The following CTRC variants were observed in gnomAD, a reference collection of about 807,000 sequenced individuals.
The protein encoded by CTRC is chymotrypsin C.
CTRC carries 32 observed loss-of-function variants against 35.7 expected under a neutral mutation model. The ratio of observed to expected loss-of-function variants is 0.90; its 90% CI spans 0.68 to 1.20. The LOEUF (loss-of-function observed/expected upper bound fraction) is 1.20. CTRC is among the 50% of genes most tolerant of loss of function. The pLI, the probability that CTRC is intolerant of heterozygous loss-of-function variation, is 0.00. For synonymous variants in CTRC, 119 were observed against 149.5 expected (o/e 0.80, Z 1.49); for missense variants, 324 against 361.5 (o/e 0.90, Z 0.84).
intron 3 of CTRC, among the ~76,000 whole-genome samples, 175 bp downstream of exon 3, chr1:15,440,765 G>T (rs1214693987): frequency 1.3e-5 from 2 of 152,198 alleles, no homozygotes; most frequent in East Asian, 3.8e-4. Context: ...TCTATTATGT[G>T]CCAGGAACCA....
Position 15,444,646 on chromosome 1 carries a change from G to T in CTRC, c.534G>T (p.Gln178His). Residue 178 changes from glutamine to histidine, a missense_variant, in exon 6 of 8, where the codon CAG (glutamine) becomes CAT (histidine). By Grantham distance (24) the Gln-to-His change is conservative. Coordinates refer to ENST00000375949, the MANE Select transcript of CTRC (RefSeq NM_007272.3). ...CTGATAAGCTGCAGCAGGGCCTGCAGCCCGTGGTGGATCACGCCACGTGCT... is the reference window on the plus strand; with the variant it reads ...CTGATAAGCTGCAGCAGGGCCTGCATCCCGTGGTGGATCACGCCACGTGCT... ...PIADKLQQGL[Q>H]PVVDHATCSR... is the part of the protein sequence containing the mutation. 6.2e-7 allele frequency: 1 copy of T among 1,614,236 alleles called. No homozygotes were observed. Among genetic ancestry groups the T allele is most frequent in the Non-Finnish European group, 8.5e-7 (1 of 1,180,038 alleles).
Position 15,446,685 on chromosome 1 carries a change from G to T in CTRC, c.*96G>T. 2 of 1,407,454 alleles carry T rather than the reference G, an allele frequency of 1.4e-6. No individual in the cohort carries two copies. The highest frequency in any genetic ancestry group is 1.4e-5 in the African/African-American group (1 of 70,824). The allele number at this position is 1,407,454 out of a possible 1,614,324, so 87.2% of individuals were successfully genotyped here. A position where few individuals can be genotyped will look rare whatever the true frequency, so the allele number is the denominator to read the frequency against. On this transcript the variant is annotated 3_prime_UTR_variant, in exon 8 of 8. Transcript: ENST00000375949. ...ATCCTTGATTTGTGCAGCTTCTGTT[G>T]CTTCCCTCCTCTCTGGTGCTGCCCC...
chr1:15,440,433 G>A (rs1708113962), intron 2 of CTRC, 42 bp downstream of exon 2: 5 of 1,611,930 alleles, frequency 3.1e-6, no homozygotes, highest in Admixed American at 1.7e-5. Flanking sequence ...AGAGAGGGTG[G>A]CGGGGTGAGG....
chr1:15,438,447 A>C lies in CTRC; in HGVS notation c.-18A>C. 1 of 1,614,184 alleles carries C rather than the reference A, an allele frequency of 6.2e-7. No homozygotes were observed. Among genetic ancestry groups the C allele is most frequent in the East Asian group, 2.2e-5 (1 of 44,886 alleles). On this transcript the variant is annotated 5_prime_UTR_variant, in exon 1 of 8. Transcript: ENST00000375949. The stretch of plus-strand genomic sequence containing the variant: ...CCCCAGCCCATCCCGATGGTCAGCC[A>C]GTCCTGAGCACCTAACCATGTTGGG...
rs2272909 is a variant in CTRC, at chr1:15,438,679, C to A, written c.40+175C>A. On this transcript the variant is annotated intron_variant, in intron 1 of 7. Coordinates refer to ENST00000375949, the MANE Select transcript of CTRC (RefSeq NM_007272.3). ...TGTCAGACAAGCCACAGCCTGCCTG[C>A]CAACTCTGTTTCCACATCTGCAAAA... Among the ~76,000 whole-genome samples the A allele has an allele frequency of 0.016, 2,466 of 152,286 alleles. 87 individuals carry two copies. The highest frequency in any genetic ancestry group is 0.08 in the East Asian group (416 of 5,172).
At chr1:15,439,191 C>T (rs914582461) in intron 1 of CTRC, among the ~76,000 whole-genome samples, 5 of 151,822 alleles carry the variant, frequency 3.3e-5, no homozygotes, top group African/African-American at 1.2e-4. Context: ...TTTGGGAGGC[C>T]GAGGTGGGTG....
intron 3 of CTRC, 82 bp downstream of exon 3, chr1:15,440,672 C>G: frequency 8.0e-7 from 1 of 1,251,850 alleles, no homozygotes; most frequent in Non-Finnish European, 1.1e-6. Flanking sequence ...GCAGCTTCTC[C>G]GCACTCCAGG....
rs1708244725 is a variant in CTRC, at chr1:15,447,945, AG to A, written c.*1357del. ...CTGTGCAGGAGACAGACCAGTAAAT[AG>A]ATCATTAAATTCCCTGGTATACATT... On this transcript the variant is annotated 3_prime_UTR_variant, in exon 8 of 8. Coordinates refer to ENST00000375949, the MANE Select transcript of CTRC (RefSeq NM_007272.3). 1 of 152,220 alleles carries A rather than the reference AG, an allele frequency of 6.6e-6. No individual in the cohort carries two copies. The highest frequency in any genetic ancestry group is 6.5e-5 in the Admixed American group (1 of 15,282). The allele number at this position is 152,220 out of a possible 1,614,324, so 9.4% of individuals were successfully genotyped here. A position where few individuals can be genotyped will look rare whatever the true frequency, so the allele number is the denominator to read the frequency against.
chr1:15,444,549 AGGG>A (rs1179503719), intron 5 of CTRC, 54 bp from the exon 6 acceptor site: 2 of 1,609,914 alleles, frequency 1.2e-6, no homozygotes, highest in African/African-American at 2.7e-5. Context: ...AGGCCTGGGG[AGGG>A]GCTGGACTGG....
intron 1 of CTRC, 29 bp from the exon 2 acceptor site, chr1:15,440,271 C>T (rs1273299464): frequency 3.0e-5 from 34 of 1,122,048 alleles, no homozygotes; most frequent in Non-Finnish European, 4.2e-5. Context: ...GCCCTATTCA[C>T]TGGTTCTTCT....
intron 3 of CTRC, among the ~76,000 whole-genome samples, chr1:15,442,035 C>T (rs1464816084): frequency 6.6e-6 from 1 of 152,142 alleles, no homozygotes; most frequent in Non-Finnish European, 1.5e-5. Context: ...AGCCAACGCA[C>T]CTGGCCGGAG....
rs35524971 is a variant in CTRC, at chr1:15,439,423, CAAAAAAA to C, written c.41-867_41-861del. ...GGGCAACAAGAGTGAAACTCCGTCT[CAAAAAAA>C]AAAAAAAAAGAAAAAGAAAGAAAAA... is the stretch of plus-strand genomic sequence containing the variant. On this transcript the variant is annotated intron_variant, in intron 1 of 7. Transcript: ENST00000375949. Among the ~76,000 whole-genome samples, 17 of 110,930 alleles carry C rather than the reference CAAAAAAA, an allele frequency of 1.5e-4. 1 individual carries two copies. The South Asian group carries it at 4.7e-3, about 31-fold the overall frequency. The allele number at this position is 110,930 out of a possible 152,430, so 72.8% of individuals were successfully genotyped here. A position where few individuals can be genotyped will look rare whatever the true frequency, so the allele number is the denominator to read the frequency against.
chr1:15,443,299 T>C (rs913803919), intron 4 of CTRC, 120 bp from the exon 5 acceptor site: 1 of 1,148,220 alleles, frequency 8.7e-7, no homozygotes, highest in Non-Finnish European at 1.3e-6. Context: ...AGTCAGGATG[T>C]TTGTGAAGGA....
chr1:15,445,870 G>T (rs1403556638), intron 7 of CTRC, 121 bp downstream of exon 7: 4 of 1,206,274 alleles, frequency 3.3e-6, no homozygotes, highest in Non-Finnish European at 1.2e-6. Context: ...ACTCATTCAT[G>T]CATTTATTCA....
At position 15,445,702 on chromosome 1, in the gene CTRC, C is replaced by T; in HGVS notation, c.745C>T (p.Pro249Ser). ...SRRGCNTRKKPVVYTRVSAYI... is the reference protein window; with the variant it reads ...SRRGCNTRKKSVVYTRVSAYI... The stretch of plus-strand genomic sequence containing the variant: ...GCGGGGCTGCAACACCCGCAAGAAG[C>T]CGGTAGTCTACACCCGGGTGTCCGC... The change falls in exon 7 of 8, where the codon CCG (proline) becomes TCG (serine). Residue 249 changes from proline to serine, a missense_variant. By Grantham distance (74) the Pro-to-Ser change is moderately conservative (BLOSUM62 -1). Coordinates refer to ENST00000375949, the MANE Select transcript of CTRC (RefSeq NM_007272.3). The T allele has an allele frequency of 1.2e-6, 2 of 1,613,926 alleles. No homozygotes were observed. The highest frequency in any genetic ancestry group is 1.7e-5 in the Admixed American group (1 of 60,030).
At chr1:15,443,616 A>G (rs1174761749) in intron 5 of CTRC, 61 bp downstream of exon 5, 1 of 1,608,228 alleles carries the variant, frequency 6.2e-7, no homozygotes, top group African/African-American at 1.3e-5. Flanking sequence ...CGTCACCCAC[A>G]TTTGTCCACC....
chr1:15,448,212 G>C lies in CTRC; in HGVS notation c.*1623G>C, dbSNP rs1231202289. On this transcript the variant is annotated 3_prime_UTR_variant, in exon 8 of 8. Transcript: ENST00000375949. ...TTTTGAGACGGAGTCTTGCTCTGAT[G>C]CCCAGGCTGGAGTGCAGTGGCACAA... The C allele has an allele frequency of 7.5e-6, 1 of 133,180 alleles. No individual in the cohort carries two copies. The highest frequency in any genetic ancestry group is 1.5e-5 in the Non-Finnish European group (1 of 65,084). 8.2% of individuals were successfully genotyped at this position (133,180 alleles called of 1,614,324 possible). A position where few individuals can be genotyped will look rare whatever the true frequency, so the allele number is the denominator to read the frequency against.
intron 3 of CTRC, 35 bp from the exon 4 acceptor site, chr1:15,442,412 G>A: frequency 6.3e-7 from 1 of 1,588,158 alleles, no homozygotes. Context: ...CAGGACCAGG[G>A]GGCCACCCTG....
chr1:15,440,226 G>GGCCCCCCCCCCCCCCCCCCC, intron 1 of CTRC, 74 bp from the exon 2 acceptor site: 2 of 523,576 alleles, frequency 3.8e-6, no homozygotes, highest in Non-Finnish European at 7.3e-6. Flanking sequence ...TCTTCCACCT[G>GGCCCCCCCCCCCCCCCCCCC]CCCACCCTCC....
Sources: allele counts gnomAD v4.1 joint callset (sites outside exome capture counted in the v4.1 genomes callset), GRCh38; gene constraint gnomAD v4.1.1; transcripts MANE v1.5; gene names NCBI Gene and HGNC (gene_info 2026-07-23, HGNC 2026-07-21).